The following TMED9 variants were observed in gnomAD, a reference collection of about 807,000 sequenced individuals.
The protein encoded by TMED9 is transmembrane emp24 domain-containing protein 9.
A neutral mutation model predicts 30.6 loss-of-function variants in TMED9; 22 were observed. The ratio of observed to expected loss-of-function variants is 0.72; its 90% CI spans 0.51 to 1.03. The LOEUF is 1.03. Among genes scored for constraint, TMED9 ranks in the 50% least tolerant of loss-of-function variants. The pLI is 0.00. For synonymous variants in TMED9, 146 were observed against 122.8 expected (o/e 1.19, Z -1.25); for missense variants, 251 against 302.1 (o/e 0.83, Z 1.25).
Position 177,593,662 on chromosome 5 carries a change from C to T in TMED9, c.298C>T (p.Arg100Trp), listed in dbSNP as rs778354645. 1.2e-6 allele frequency: 2 copies of T among 1,614,142 alleles called. No homozygotes were observed. Among genetic ancestry groups the T allele is most frequent in the South Asian group, 1.1e-5 (1 of 91,082 alleles). Residue 100 changes from arginine to tryptophan, a missense_variant, in exon 3 of 5, where the codon CGG becomes TGG. Arg to Trp is a moderately radical substitution (Grantham distance 101). Transcript: ENST00000332598. ...TACCTTCCTCCAGGTCATCCTGGCC[C>T]GGCAGTATGGCTCCGAGGGCAGGTT... is the stretch of plus-strand genomic sequence containing the variant. ...KDPEDKVILA[R>W]QYGSEGRFTF...
At position 177,597,112 on chromosome 5, in the gene TMED9, G is replaced by GA. The variant is rs60631760; in HGVS notation, c.*1706dup. Among the ~76,000 whole-genome samples, 145,939 of 149,914 alleles carry GA rather than the reference G, an allele frequency of 0.97. 71,131 individuals carry two copies. The highest frequency in any genetic ancestry group is 1 in the South Asian group (4,732 of 4,740). ...ATGCTGCCAACTAATTCTTCCACATGAAAAAAAAAAGTTTTTTGGCGGGCA... is the reference window on the plus strand; with the variant it reads ...ATGCTGCCAACTAATTCTTCCACATGAAAAAAAAAAAGTTTTTTGGCGGGCA... On this transcript the variant is annotated 3_prime_UTR_variant, in exon 5 of 5. Transcript: ENST00000332598.
At chr5:177,593,616 A>G (rs763041127) in intron 2 of TMED9, 34 bp from the exon 3 acceptor site, 9 of 1,613,784 alleles carry the variant, frequency 5.6e-6, no homozygotes, top group Middle Eastern at 1.7e-4. Flanking sequence ...CATCCCTACC[A>G]TAATACTGAC....
chr5:177,594,341 A>C, intron 4 of TMED9, 56 bp downstream of exon 4: 1 of 1,590,834 alleles, frequency 6.3e-7, no homozygotes, highest in Non-Finnish European at 8.6e-7. Flanking sequence ...CCACTGGCTC[A>C]GCCAGGAATT....
Position 177,596,043 on chromosome 5 carries a change from T to C in TMED9, c.*627T>C, listed in dbSNP as rs1767685251. On this transcript the variant is annotated 3_prime_UTR_variant, in exon 5 of 5. Transcript: ENST00000332598. ...GGTTGGGGTGGGGCCTGCAGAGTCTTAGTTACTGATTTCATTTTCAATAAA... is the reference window on the plus strand; with the variant it reads ...GGTTGGGGTGGGGCCTGCAGAGTCTCAGTTACTGATTTCATTTTCAATAAA... 1 of 152,498 alleles carries C rather than the reference T, an allele frequency of 6.6e-6. No individual in the cohort carries two copies. The highest frequency in any genetic ancestry group is 6.5e-5 in the Admixed American group (1 of 15,276). The allele number at this position is 152,498 out of a possible 1,614,324, so 9.4% of individuals were successfully genotyped here.
At chr5:177,593,504 C>G in intron 2 of TMED9, 146 bp from the exon 3 acceptor site, 1 of 1,017,570 alleles carries the variant, frequency 9.8e-7, no homozygotes, top group Non-Finnish European at 1.5e-6. Context: ...ATGGCAACAG[C>G]TGCTGAGCAG....
rs201432047 is a variant in TMED9 at position 177,595,263 on chromosome 5, G to A, written c.559-4G>A. ...ACTCAGGCTCACCTTATATTCCCCT[G>A]CAGTGGCGAGAGGAGCGCTTCCGGC... On this transcript the variant is annotated splice_polypyrimidine_tract_variant and splice_region_variant and intron_variant, in intron 4 of 4. Transcript: ENST00000332598. The A allele has an allele frequency of 6.3e-7, 1 of 1,576,128 alleles. No homozygotes were observed. The highest frequency in any genetic ancestry group is 1.1e-5 in the South Asian group (1 of 88,082).
chr5:177,594,364 CATT>C, intron 4 of TMED9, 79 bp downstream of exon 4: 1 of 1,535,252 alleles, frequency 6.5e-7, no homozygotes, highest in Non-Finnish European at 8.8e-7. Context: ...ACATTAAATT[CATT>C]CTGAGACCCC....
rs748359800 is a variant in TMED9, at chr5:177,592,231, G to C, written c.17G>C (p.Gly6Ala). 10 of 1,607,344 alleles carry C rather than the reference G, an allele frequency of 6.2e-6. No homozygotes were observed. The highest frequency in any genetic ancestry group is 1.3e-5 in the African/African-American group (1 of 74,810). The change falls in exon 1 of 5, where the codon GGC becomes GCC. Residue 6 changes from glycine (G) to alanine (A), a missense_variant. Physicochemically the swap from Gly to Ala is moderately conservative, Grantham distance 60 (BLOSUM62 0). Around this residue, in one of 2 missense-constraint regions of TMED9, gnomAD observed 98 missense variants for 62.5 expected, o/e 1.57. Transcript: ENST00000332598. MAVELGVLLVRPRPGT... is the reference protein window; with the variant it reads MAVELAVLLVRPRPGT... The stretch of plus-strand genomic sequence containing the variant: ...TGGAGCAAGATGGCTGTGGAGCTGG[G>C]CGTGCTGCTCGTCCGGCCCCGGCCC...
In TMED9 at chr5:177,596,834, G is replaced by A. The variant is rs151305914; in HGVS notation, c.*1418G>A. ...CCTGCCCCCCTCCCTCTGGCCTCTG[G>A]GCCCTTTGCAGTAATCACCCAGGGT... is the stretch of plus-strand genomic sequence containing the variant. On this transcript the variant is annotated 3_prime_UTR_variant, in exon 5 of 5. Coordinates refer to ENST00000332598, the MANE Select transcript of TMED9 (RefSeq NM_017510.6). 4.7e-3 allele frequency among the ~76,000 whole-genome samples: 712 copies of A among 152,216 alleles called. 5 individuals carry two copies. Among genetic ancestry groups the A allele is most frequent in the African/African-American group, 0.016 (659 of 41,502 alleles).
intron 4 of TMED9, 35 bp from the exon 5 acceptor site, chr5:177,595,232 C>T (rs539276221): frequency 6.7e-7 from 1 of 1,503,660 alleles, no homozygotes; most frequent in African/African-American, 1.4e-5. Context: ...CTAGCAGCCC[C>T]AGCCAACTCA....
chr5:177,592,992 A>C (rs112167005), intron 2 of TMED9, among the ~76,000 whole-genome samples: 1 of 151,962 alleles, frequency 6.6e-6, no homozygotes, highest in Non-Finnish European at 1.5e-5. Context: ...TTCAGCTCTC[A>C]CCTTCTGTCA....
In TMED9 at chr5:177,595,309, C is replaced by G. The variant is rs1767667374; in HGVS notation, c.601C>G (p.Gln201Glu). The G allele has an allele frequency of 6.2e-7, 1 of 1,608,548 alleles. No homozygotes were observed. The highest frequency in any genetic ancestry group is 8.5e-7 in the Non-Finnish European group (1 of 1,176,190). The change falls in exon 5 of 5, where the codon CAG (glutamine) becomes GAG (glutamate). Residue 201 changes from glutamine (Q) to glutamate (E), a missense_variant. Coordinates refer to ENST00000332598, the MANE Select transcript of TMED9 (RefSeq NM_017510.6). ...CCGGCAGACCAGTGAGAGCACCAAC[C>G]AGCGGGTGCTGTGGTGGTCCATTCT... is the stretch of plus-strand genomic sequence containing the variant. Reference protein sequence around the residue: ...RFRQTSESTNQRVLWWSILQT... With the variant: ...RFRQTSESTNERVLWWSILQT...
intron 1 of TMED9, 33 bp from the exon 2 acceptor site, chr5:177,592,542 C>T (rs1767607656): frequency 1.9e-6 from 3 of 1,596,920 alleles, no homozygotes; most frequent in Non-Finnish European, 2.6e-6. Flanking sequence ...ACCTCGCGCT[C>T]CTCTGACCTG....
rs772042334 is a variant in TMED9, at chr5:177,594,261, C to G, written c.534C>G (p.Ile178Met). 1 of 1,614,112 alleles carries G rather than the reference C, an allele frequency of 6.2e-7. No individual in the cohort carries two copies. The highest frequency in any genetic ancestry group is 8.5e-7 in the Non-Finnish European group (1 of 1,180,026). Residue 178 changes from isoleucine (I) to methionine (M), a missense_variant, in exon 4 of 5, where the codon ATC becomes ATG. By Grantham distance (10) the Ile-to-Met change is conservative. Around this residue, in one of 2 missense-constraint regions of TMED9, gnomAD observed 153 missense variants for 239.6 expected, o/e 0.64. Coordinates refer to ENST00000332598, the MANE Select transcript of TMED9 (RefSeq NM_017510.6). ...VRQLVEQVEQIQKEQNYQRWR... is the reference protein window; with the variant it reads ...VRQLVEQVEQMQKEQNYQRWR... ...AGCTGGTGGAACAAGTGGAGCAGAT[C>G]CAGAAAGAGCAGAACTACCAGCGGG...
intron 3 of TMED9, 45 bp downstream of exon 3, chr5:177,593,820 TTGGTGAGGACTGGGGGAC>T (rs748670936): frequency 1.2e-6 from 2 of 1,610,760 alleles, no homozygotes; most frequent in African/African-American, 1.3e-5. Flanking sequence ...CCTTCATCCT[TTGGTGAGGACTGGGGGAC>T]TGGTGGTGCT....
intron 3 of TMED9, 149 bp from the exon 4 acceptor site, chr5:177,593,990 C>A: frequency 8.1e-7 from 1 of 1,237,140 alleles, no homozygotes; most frequent in Non-Finnish European, 1.1e-6. Context: ...CTTGTGTGCC[C>A]AGAGCCTCAT....
chr5:177,597,147 ACACCTGTAAT>A lies in TMED9; in HGVS notation c.*1733_*1742del, dbSNP rs1436801247. ...AGTTTTTTGGCGGGCACGGTGGTTC[ACACCTGTAAT>A]CCCAGCACTTTGGGAGGCTGAGGTA... On this transcript the variant is annotated 3_prime_UTR_variant, in exon 5 of 5. Transcript: ENST00000332598. 6.6e-6 allele frequency among the ~76,000 whole-genome samples: 1 copy of A among 151,804 alleles called. No homozygotes were observed. Among genetic ancestry groups the A allele is most frequent in the Non-Finnish European group, 1.5e-5 (1 of 67,974 alleles).
intron 4 of TMED9, 31 bp from the exon 5 acceptor site, chr5:177,595,236 C>T (rs752398480): frequency 6.6e-7 from 1 of 1,506,940 alleles, no homozygotes; most frequent in Non-Finnish European, 9.0e-7. Context: ...CAGCCCCAGC[C>T]AACTCAGGCT....
At position 177,592,241 on chromosome 5, in the gene TMED9, C is replaced by A. The variant is rs759506866; in HGVS notation, c.27C>A (p.Leu9=). The A allele has an allele frequency of 9.3e-6, 15 of 1,609,412 alleles. No homozygotes were observed. The highest frequency in any genetic ancestry group is 1.3e-5 in the Non-Finnish European group (15 of 1,178,496). The part of the protein sequence containing the change: MAVELGVL[L]VRPRPGTGLG... ...TGGCTGTGGAGCTGGGCGTGCTGCT[C>A]GTCCGGCCCCGGCCCGGAACCGGGC... is the stretch of plus-strand genomic sequence containing the variant. The change falls in exon 1 of 5, where the codon CTC becomes CTA. Residue 9 remains leucine, a synonymous_variant. Transcript: ENST00000332598.
Sources: gnomAD v4.1 joint callset for allele counts (sites outside exome capture counted in the v4.1 genomes callset) on GRCh38, gnomAD v4.1.1 for gene constraint, gnomAD v4.1.1 regional missense constraint, MANE v1.5 for transcripts, NCBI Gene and HGNC (gene_info 2026-07-23, HGNC 2026-07-21) for gene names.